Variants in TRIP12 observed in about 807,000 individuals in gnomAD.
TRIP12 encodes E3 ubiquitin-protein ligase TRIP12.
TRIP12 carries 25 observed loss-of-function variants against 244.2 expected under a neutral mutation model. The ratio of observed to expected loss-of-function variants is 0.10; its 90% CI spans 0.07 to 0.14. The LOEUF (loss-of-function observed/expected upper bound fraction) is 0.14. TRIP12 is among the 10% of genes least tolerant of loss of function. TRIP12 has a pLI of 1.00. For missense variants in TRIP12, 1,677 were observed against 2,486.4 expected (o/e 0.67, Z 6.92); for synonymous variants, 905 against 873.1 (o/e 1.04, Z -0.64).
chr2:229,801,967 CAAGT>C (rs1051465506), intron 21 of TRIP12, among the ~76,000 whole-genome samples: 3 of 152,136 alleles, frequency 2.0e-5, no homozygotes, highest in African/African-American at 7.2e-5. Flanking sequence ...TTAGAGCCTA[CAAGT>C]AACATAAGTG....
chr2:229,867,066 A>T (rs2061616175), intron 2 of TRIP12, among the ~76,000 whole-genome samples: 1 of 151,780 alleles, frequency 6.6e-6, no homozygotes, highest in Non-Finnish European at 1.5e-5. Flanking sequence ...GAAATAAGCA[A>T]AGTATATATA....
intron 37 of TRIP12, among the ~76,000 whole-genome samples, chr2:229,776,144 T>G (rs2036187414): frequency 6.6e-6 from 1 of 152,130 alleles, no homozygotes; most frequent in Admixed American, 6.5e-5. Context: ...CTGCCCTGGT[T>G]TGCTCACCAG....
At chr2:229,828,444 CTGATTGTAATGTATAGATCATATTT>C (rs1488452247) in intron 8 of TRIP12, among the ~76,000 whole-genome samples, 1 of 151,650 alleles carries the variant, frequency 6.6e-6, no homozygotes, top group Non-Finnish European at 1.5e-5. Flanking sequence ...GAAACATTAC[CTGATTGTAATGTATAGATCATATTT>C]TGATCCAATT....
In TRIP12 at chr2:229,860,504, C is replaced by T. The variant is rs1275401873; in HGVS notation, c.126G>A (p.Lys42=). Residue 42 remains lysine (K), a synonymous_variant, in exon 3 of 42, where the codon AAG becomes AAA. Transcript: ENST00000675903. Reference sequence around the variant, plus strand: ...TTCTACTCTCAGGAGGGCTATATCCCTTATGTTTTGCCTGCCCTAAATGTG... The same window carrying T: ...TTCTACTCTCAGGAGGGCTATATCCTTTATGTTTTGCCTGCCCTAAATGTG... The part of the protein sequence containing the change: ...GRSHLGQAKH[K]GYSPPESRKS... 1.7e-5 allele frequency: 28 copies of T among 1,609,780 alleles called. No homozygotes were observed. Among genetic ancestry groups the T allele is most frequent in the Non-Finnish European group, 2.3e-5 (27 of 1,178,248 alleles).
chr2:229,919,346 C>A (rs1393384578), intron 1 of TRIP12, among the ~76,000 whole-genome samples: 1 of 151,504 alleles, frequency 6.6e-6, no homozygotes, highest in Non-Finnish European at 1.5e-5. Context: ...AACCAGGAGG[C>A]AGAGGTTGCA....
At chr2:229,840,619 C>A (rs1195928996) in intron 5 of TRIP12, among the ~76,000 whole-genome samples, 1 of 151,860 alleles carries the variant, frequency 6.6e-6, no homozygotes, top group Non-Finnish European at 1.5e-5. Flanking sequence ...GGAGAACCAC[C>A]TGAACCCGGG....
At chr2:229,864,047 A>AGAGAGAGAGAGAGAGAGAGAGTGTGT in intron 2 of TRIP12, among the ~76,000 whole-genome samples, 12 of 79,308 alleles carry the variant, frequency 1.5e-4, no homozygotes, top group South Asian at 5.1e-4. Context: ...AGAGAGAGAG[A>AGAGAGAGAGAGAGAGAGAGAGTGTGT]GTGTGTGTGT....
At chr2:229,796,439 C>G (rs1245391417) in intron 25 of TRIP12, 152 bp downstream of exon 25, 2 of 518,672 alleles carry the variant, frequency 3.9e-6, no homozygotes, top group Non-Finnish European at 6.4e-6. Flanking sequence ...CTTTGATATA[C>G]AGAAGTTGAA....
At chr2:229,921,851 C>T (rs1222064969) in intron 1 of TRIP12, 29 bp downstream of exon 1, 12 of 134,314 alleles carry the variant, frequency 8.9e-5, no homozygotes, top group Non-Finnish European at 1.8e-4. Flanking sequence ...AAGGCTTGCC[C>T]CCGCCGCCCA....
chr2:229,830,553 G>A (rs1408624828), intron 7 of TRIP12, among the ~76,000 whole-genome samples: 1 of 152,146 alleles, frequency 6.6e-6, no homozygotes, highest in Non-Finnish European at 1.5e-5. Context: ...GCTTCATCTA[G>A]TGAAACAGTA....
At chr2:229,818,745 A>G (rs1319059614) in intron 8 of TRIP12, among the ~76,000 whole-genome samples, 1 of 152,196 alleles carries the variant, frequency 6.6e-6, no homozygotes, top group Non-Finnish European at 1.5e-5. Context: ...TCTTAATTGA[A>G]AACTTGACTG....
chr2:229,789,037 C>T (rs767717840), intron 31 of TRIP12, 97 bp from the exon 32 acceptor site: 72 of 1,140,606 alleles, frequency 6.3e-5, no homozygotes, highest in Non-Finnish European at 8.1e-5. Context: ...TGCAAAGTAC[C>T]CTGAATTCAC....
chr2:229,879,388 T>TG (rs1298595753), intron 2 of TRIP12, among the ~76,000 whole-genome samples: 1 of 152,230 alleles, frequency 6.6e-6, no homozygotes, highest in Non-Finnish European at 1.5e-5. Context: ...AAATCTGACT[T>TG]GGAGTATTAC....
At position 229,766,298 on chromosome 2, in the gene TRIP12, T is replaced by G. The variant is rs963179286; in HGVS notation, c.*1256A>C. 1.2e-4 allele frequency: 19 copies of G among 152,204 alleles called. No individual in the cohort carries two copies. The highest frequency in any genetic ancestry group is 4.6e-4 in the African/African-American group (19 of 41,454). The allele number at this position is 152,204 out of a possible 1,614,324, so 9.4% of individuals were successfully genotyped here. A position where few individuals can be genotyped will look rare whatever the true frequency, so the allele number is the denominator to read the frequency against. On this transcript the variant is annotated 3_prime_UTR_variant, in exon 42 of 42. Transcript: ENST00000675903. ...GCAAAATCAGCCATGACCCGAATCA[T>G]GGAGATATGTGGATTTCCTTGCATT...
At chr2:229,885,552 C>T (rs1326793495) in intron 1 of TRIP12, among the ~76,000 whole-genome samples, 3 of 152,168 alleles carry the variant, frequency 2.0e-5, no homozygotes, top group Non-Finnish European at 1.5e-5. Flanking sequence ...AAGGAAATGA[C>T]TAGGTCCCAG....
At chr2:229,816,530 G>A (rs1360245515) in intron 9 of TRIP12, among the ~76,000 whole-genome samples, 1 of 152,118 alleles carries the variant, frequency 6.6e-6, no homozygotes, top group East Asian at 1.9e-4. Flanking sequence ...ACTGTATTGT[G>A]ATGAAGAGAT....
chr2:229,791,287 AT>A, intron 29 of TRIP12, 36 bp from the exon 30 acceptor site: 1 of 1,610,398 alleles, frequency 6.2e-7, no homozygotes, highest in South Asian at 1.1e-5. Context: ...CCAAATGTAG[AT>A]TTTGAAACTG....
At position 229,795,310 on chromosome 2, in the gene TRIP12, A is replaced by G. The variant is rs1054579233; in HGVS notation, c.3837T>C (p.Ile1279=). Residue 1279 remains isoleucine (I), a synonymous_variant, in exon 26 of 42, where the codon ATT becomes ATC. Transcript: ENST00000675903. ...FSSPLPGEEP[I]GRVEPVGNAP... is the part of the protein sequence containing the mutation. ...CATTACCCACTGGTTCCACTCTTCC[A>G]ATGGGCTCTTCTCCAGGAAGCTAAA... The G allele has an allele frequency of 4.3e-6, 7 of 1,613,562 alleles. No homozygotes were observed. Among genetic ancestry groups the G allele is most frequent in the Non-Finnish European group, 5.1e-6 (6 of 1,179,796 alleles).
At chr2:229,791,831 T>C in intron 29 of TRIP12, 35 bp downstream of exon 29, 2 of 1,603,082 alleles carry the variant, frequency 1.2e-6, no homozygotes, top group Admixed American at 1.7e-5. Context: ...TTTCAAAGTT[T>C]ATGAAAAAAC....
Sources: allele counts gnomAD v4.1 joint callset (sites outside exome capture counted in the v4.1 genomes callset), GRCh38; gene constraint gnomAD v4.1.1; transcripts MANE v1.5; gene names NCBI Gene and HGNC (gene_info 2026-07-23, HGNC 2026-07-21).